The following PLEKHG3 variants were observed in gnomAD, a reference collection of about 807,000 sequenced individuals.
The protein encoded by PLEKHG3 is pleckstrin homology domain-containing family G member 3.
PLEKHG3 carries 62 observed loss-of-function variants against 94.9 expected under a neutral mutation model. That is an observed-to-expected ratio of 0.65 (90% CI 0.53 to 0.81). The LOEUF (loss-of-function observed/expected upper bound fraction) is 0.81, where lower values mean the gene tolerates loss of function less well. PLEKHG3 is among the 30% of genes least tolerant of loss of function. The pLI, the probability that PLEKHG3 is intolerant of heterozygous loss-of-function variation, is 0.00. For synonymous variants in PLEKHG3, 614 were observed against 654.0 expected (o/e 0.94, Z 0.93); for missense variants, 1,461 against 1,619.3 (o/e 0.90, Z 1.68).
chr14:64,711,656 C>T (rs1012574132), intron 1 of PLEKHG3, among the ~76,000 whole-genome samples: 20 of 152,162 alleles, frequency 1.3e-4, no homozygotes, highest in African/African-American at 4.3e-4. Context: ...TTGTGATGCG[C>T]CTGCCTTGGC....
Position 64,717,864 on chromosome 14 carries a change from C to T in PLEKHG3, c.-39-9729C>T, listed in dbSNP as rs1284901182. 6.6e-6 allele frequency among the ~76,000 whole-genome samples: 1 copy of T among 152,232 alleles called. No individual in the cohort carries two copies. Among genetic ancestry groups the T allele is most frequent in the Non-Finnish European group, 1.5e-5 (1 of 68,036 alleles). Reference sequence around the variant, plus strand: ...CTTTTTAGGGCACATTCTGACACCTCGTCTCATGGAGCCCCATTTCCACGT... The same window carrying T: ...CTTTTTAGGGCACATTCTGACACCTTGTCTCATGGAGCCCCATTTCCACGT... On this transcript the variant is annotated intron_variant, in intron 1 of 16. Transcript: ENST00000247226. This position sits in a 1 kb window ranked among gnomAD's most constrained non-coding sequence, Gnocchi z 4.7.
rs1244925509 is a variant in PLEKHG3, at chr14:64,750,126, T to C, written c.*6423T>C. The C allele has an allele frequency of 1.9e-6, 3 of 1,614,022 alleles. No individual in the cohort carries two copies. The highest frequency in any genetic ancestry group is 2.5e-6 in the Non-Finnish European group (3 of 1,180,008). ...TTGTAGAAGGTTAGCTCACTGTTCC[T>C]GAGCACACAGTACAGGTTGTTCCAG... is the stretch of plus-strand genomic sequence containing the variant. On this transcript the variant is annotated 3_prime_UTR_variant, in exon 17 of 17. Transcript: ENST00000247226.
At chr14:64,733,013 G>GGAAAGGCT in intron 12 of PLEKHG3, 112 bp downstream of exon 12, 1 of 687,352 alleles carries the variant, frequency 1.5e-6, no homozygotes, top group Non-Finnish European at 2.6e-6. Context: ...GGAAACCCTG[G>GGAAAGGCT]GAAAGGCTAG....
Position 64,738,218 on chromosome 14 carries a change from C to T in PLEKHG3, c.1405-524C>T, listed in dbSNP as rs756036844. On this transcript the variant is annotated intron_variant, in intron 14 of 16. Coordinates refer to ENST00000247226, the MANE Select transcript of PLEKHG3 (RefSeq NM_001308147.2). The surrounding 1 kb of genome is among the most constrained non-coding windows in gnomAD (Gnocchi z 4.8). ...CCAACGCTTTACTTTTCTCCCGGGG[C>T]GCTATGGTGAGGTGTCTCTTCGATC... The T allele has an allele frequency of 5.4e-5, 70 of 1,287,978 alleles. No homozygotes were observed. Among genetic ancestry groups the T allele is most frequent in the Middle Eastern group, 2.7e-4 (1 of 3,684 alleles). The allele number at this position is 1,287,978 out of a possible 1,614,324, so 79.8% of individuals were successfully genotyped here. A position where few individuals can be genotyped will look rare whatever the true frequency, so the allele number is the denominator to read the frequency against.
In PLEKHG3 at chr14:64,716,223, G is replaced by A. The variant is rs2081142502; in HGVS notation, c.-39-11370G>A. On this transcript the variant is annotated intron_variant, in intron 1 of 16. Coordinates refer to ENST00000247226, the MANE Select transcript of PLEKHG3 (RefSeq NM_001308147.2). The surrounding 1 kb of genome is among the most constrained non-coding windows in gnomAD (Gnocchi z 5.0). ...GCCAATCACAGGCTTTAGGGTAAAA[G>A]GCAGGTTTTTCCCTTGTGGGTTAGA... 1 of 359,904 alleles carries A rather than the reference G, an allele frequency of 2.8e-6. No individual in the cohort carries two copies. The highest frequency in any genetic ancestry group is 5.5e-6 in the Non-Finnish European group (1 of 180,294). The allele number at this position is 359,904 out of a possible 1,614,324, so 22.3% of individuals were successfully genotyped here. A position where few individuals can be genotyped will look rare whatever the true frequency, so the allele number is the denominator to read the frequency against.
chr14:64,748,615 G>T lies in PLEKHG3; in HGVS notation c.*4912G>T, dbSNP rs74058208. The T allele has an allele frequency of 9.4e-3, 1,435 of 152,832 alleles. 24 individuals carry two copies. The highest frequency in any genetic ancestry group is 0.033 in the African/African-American group (1,360 of 41,590). The allele number at this position is 152,832 out of a possible 1,614,324, so 9.5% of individuals were successfully genotyped here. On this transcript the variant is annotated 3_prime_UTR_variant, in exon 17 of 17. Coordinates refer to ENST00000247226, the MANE Select transcript of PLEKHG3 (RefSeq NM_001308147.2). ...GGGAGGGTACCCTTTGATCTGGGGG[G>T]AGAAGCAGAGAGGAGGGATGTGGTG...
At chr14:64,714,857 G>A (rs1428914364) in intron 1 of PLEKHG3, among the ~76,000 whole-genome samples, 3 of 152,172 alleles carry the variant, frequency 2.0e-5, no homozygotes, top group African/African-American at 7.2e-5. Context: ...TTTTTACACA[G>A]TGGCCAAAAT....
chr14:64,738,457 G>C lies in PLEKHG3; in HGVS notation c.1405-285G>C, dbSNP rs2081619698. Among the ~76,000 whole-genome samples, 1 of 152,238 alleles carries C rather than the reference G, an allele frequency of 6.6e-6. No homozygotes were observed. Among genetic ancestry groups the C allele is most frequent in the South Asian group, 2.1e-4 (1 of 4,836 alleles). ...CAACAAGCATGACAAGTGGGGTGGGGTGGTGGGGGCAGGGAGAAGCTAGCA... is the reference window on the plus strand; with the variant it reads ...CAACAAGCATGACAAGTGGGGTGGGCTGGTGGGGGCAGGGAGAAGCTAGCA... On this transcript the variant is annotated intron_variant, in intron 14 of 16. Transcript: ENST00000247226. This position sits in a 1 kb window ranked among gnomAD's most constrained non-coding sequence, Gnocchi z 4.8.
At chr14:64,710,131 T>C (rs1457370528) in intron 1 of PLEKHG3, among the ~76,000 whole-genome samples, 1 of 152,102 alleles carries the variant, frequency 6.6e-6, no homozygotes, top group Admixed American at 6.5e-5. Flanking sequence ...GACAGCAGGG[T>C]GTATTTATAG....
In PLEKHG3 at chr14:64,739,370, G is replaced by A. The variant is rs902440103; in HGVS notation, c.1518+515G>A. On this transcript the variant is annotated intron_variant, in intron 15 of 16. Coordinates refer to ENST00000247226, the MANE Select transcript of PLEKHG3 (RefSeq NM_001308147.2). The surrounding 1 kb of genome is among the most constrained non-coding windows in gnomAD (Gnocchi z 4.1). ...TGCCTAACACTGAGCAGCTTCTGAG[G>A]CGCGGGGCTGAGATCAGACCTGGGG... Among the ~76,000 whole-genome samples, 4 of 152,208 alleles carry A rather than the reference G, an allele frequency of 2.6e-5. No homozygotes were observed. In the East Asian group the frequency reaches 5.8e-4, roughly 22 times the overall value.
intron 12 of PLEKHG3, among the ~76,000 whole-genome samples, chr14:64,733,932 A>C (rs1025349738): frequency 2.6e-5 from 4 of 152,190 alleles, no homozygotes; most frequent in South Asian, 2.1e-4. Flanking sequence ...ACATATACCC[A>C]AGGTGGGAGT....
chr14:64,739,966 A>T lies in PLEKHG3; in HGVS notation c.1519-1070A>T, dbSNP rs1414819719. The stretch of plus-strand genomic sequence containing the variant: ...TAATACAATGAGAACCACCCATTAC[A>T]AAGTTTAAAAGAAGCAGATGAAATT... On this transcript the variant is annotated intron_variant, in intron 15 of 16. Coordinates refer to ENST00000247226, the MANE Select transcript of PLEKHG3 (RefSeq NM_001308147.2). This position sits in a 1 kb window ranked among gnomAD's most constrained non-coding sequence, Gnocchi z 4.1. 6.6e-6 allele frequency among the ~76,000 whole-genome samples: 1 copy of T among 152,270 alleles called. No homozygotes were observed. The highest frequency in any genetic ancestry group is 1.5e-5 in the Non-Finnish European group (1 of 68,048).
At chr14:64,711,418 G>GTT (rs71444671) in intron 1 of PLEKHG3, among the ~76,000 whole-genome samples, 21 of 142,510 alleles carry the variant, frequency 1.5e-4, no homozygotes, top group Non-Finnish European at 2.5e-4. Flanking sequence ...CTTTTTTTTT[G>GTT]TTTTTTTTTT....
chr14:64,743,327 T>A lies in PLEKHG3; in HGVS notation c.3284T>A (p.Val1095Glu). 1 of 1,607,264 alleles carries A rather than the reference T, an allele frequency of 6.2e-7. No individual in the cohort carries two copies. The highest frequency in any genetic ancestry group is 8.5e-7 in the Non-Finnish European group (1 of 1,177,796). ...GTAGAGCCACCTCTGTCGGGCAGGG[T>A]GGGCCGCTGCCGCAGCCTGAGCACC... ...NMVEPPLSGR[V>E]GRCRSLSTKR... The change falls in exon 17 of 17, where the codon GTG becomes GAG. Residue 1095 changes from valine (V) to glutamate (E), a missense_variant. This residue lies in a region of PLEKHG3 where 1,201 missense variants were observed against 1,295.5 expected (regional missense o/e 0.93). Transcript: ENST00000247226. This position sits in a 1 kb window ranked among gnomAD's most constrained non-coding sequence, Gnocchi z 7.2.
intron 12 of PLEKHG3, among the ~76,000 whole-genome samples, chr14:64,734,333 C>A (rs1004728065): frequency 6.6e-6 from 1 of 152,122 alleles, no homozygotes; most frequent in South Asian, 2.1e-4. Flanking sequence ...TCCTCCTCAA[C>A]TTGCCATACC....
In PLEKHG3 at chr14:64,741,844, A is replaced by G; in HGVS notation, c.2327A>G (p.Gln776Arg). 1 of 1,613,622 alleles carries G rather than the reference A, an allele frequency of 6.2e-7. No individual in the cohort carries two copies. Among genetic ancestry groups the G allele is most frequent in the Non-Finnish European group, 8.5e-7 (1 of 1,180,012 alleles). Residue 776 changes from glutamine (Q) to arginine (R), a missense_variant, in exon 16 of 17, where the codon CAG becomes CGG. Coordinates refer to ENST00000247226, the MANE Select transcript of PLEKHG3 (RefSeq NM_001308147.2). ...EPVPPVGSKR[Q>R]VGSRPTSWAL... ...GTACCTCCAGTGGGGAGCAAGAGAC[A>G]GGTGGGCTCCCGGCCGACTTCGTGG... is the stretch of plus-strand genomic sequence containing the variant.
At chr14:64,735,697 C>T (rs1432145692) in intron 12 of PLEKHG3, among the ~76,000 whole-genome samples, 1 of 152,032 alleles carries the variant, frequency 6.6e-6, no homozygotes, top group African/African-American at 2.4e-5. Context: ...TCAGGAAAGT[C>T]ACTAGGGAGG....
rs1193362737 is a variant in PLEKHG3, at chr14:64,741,325, G to A, written c.1808G>A (p.Ser603Asn). ...CCACCCTCTGTGCTGGACCAGGCCA[G>A]CGTCATTGCGGAGCGATTTGTCAGC... ...LLPPSVLDQA[S>N]VIAERFVSSF... The change falls in exon 16 of 17, where the codon AGC (serine) becomes AAC (asparagine). Residue 603 changes from serine (S) to asparagine (N), a missense_variant. Ser to Asn is a conservative substitution (Grantham distance 46, BLOSUM62 1). Around this residue, in one of 3 missense-constraint regions of PLEKHG3, gnomAD observed 1,201 missense variants for 1,295.5 expected, o/e 0.93. Transcript: ENST00000247226. 1.2e-6 allele frequency: 2 copies of A among 1,613,744 alleles called. No individual in the cohort carries two copies. The highest frequency in any genetic ancestry group is 1.7e-6 in the Non-Finnish European group (2 of 1,180,050).
At chr14:64,740,942 C>T in intron 15 of PLEKHG3, 94 bp from the exon 16 acceptor site, 2 of 1,028,420 alleles carry the variant, frequency 1.9e-6, no homozygotes. Context: ...AGGTCCCTGT[C>T]ATTGGGCCTT....
Sources: gnomAD v4.1 joint callset for allele counts (sites outside exome capture counted in the v4.1 genomes callset) on GRCh38, gnomAD v4.1.1 for gene constraint, gnomAD v4.1.1 regional missense constraint, Gnocchi (gnomAD v3.1) non-coding constraint, MANE v1.5 for transcripts, NCBI Gene and HGNC (gene_info 2026-07-23, HGNC 2026-07-21) for gene names.